GM2A: variants seen among roughly 807,000 people sequenced by gnomAD.
The protein encoded by GM2A is GM2 ganglioside activator.
Under a neutral mutation model 12.9 loss-of-function variants are expected in GM2A, and 7 were observed. The observed-to-expected ratio is 0.54, with a 90% CI of 0.31 to 1.02. The LOEUF (loss-of-function observed/expected upper bound fraction) is 1.02, where lower values mean the gene tolerates loss of function less well. Among genes scored for constraint, GM2A ranks in the 50% least tolerant of loss-of-function variants. The probability of loss-of-function intolerance (pLI) is 0.05; values close to 1 mark genes in which losing one functional copy is unlikely to be tolerated. For missense variants in GM2A, 246 were observed against 241.0 expected, an observed-to-expected ratio of 1.02 and a Z score of -0.14; for synonymous variants, 101 against 96.0, an observed-to-expected ratio of 1.05 and a Z score of -0.30.
At chr5:151,263,089 C>CTTTTTT (rs869289721) in intron 2 of GM2A, among the ~76,000 whole-genome samples, 46 of 119,502 alleles carry the variant, frequency 3.8e-4, no homozygotes, top group Non-Finnish European at 5.5e-4. Flanking sequence ...TCCCCAATTT[C>CTTTTTT]TTTTTTTTTT....
At position 151,267,289 on chromosome 5, in the gene GM2A, C is replaced by G; in HGVS notation, c.427-7C>G. The G allele has an allele frequency of 1.2e-6, 2 of 1,614,154 alleles. No homozygotes were observed. The highest frequency in any genetic ancestry group is 8.5e-7 in the Non-Finnish European group (1 of 1,179,988). ...CACTGACTGGCGGTCCACTGGCTTT[C>G]CCGCAGGGAACCTACTCACTGCCCA... On this transcript the variant is annotated splice_region_variant and splice_polypyrimidine_tract_variant and intron_variant, in intron 3 of 3. Coordinates refer to ENST00000357164, the MANE Select transcript of GM2A (RefSeq NM_000405.5).
rs1372511846 is a variant in GM2A at position 151,259,750 on chromosome 5, C to T, written c.82-5C>T. ...TCTCCTTCCTTGCTGCCTGATTGTCCCCAGCCATCCCAGCTCAGTAGCTTT... is the reference window on the plus strand; with the variant it reads ...TCTCCTTCCTTGCTGCCTGATTGTCTCCAGCCATCCCAGCTCAGTAGCTTT... On this transcript the variant is annotated splice_region_variant and splice_polypyrimidine_tract_variant and intron_variant, in intron 1 of 3. Transcript: ENST00000357164. The T allele has an allele frequency of 6.2e-7, 1 of 1,613,316 alleles. No homozygotes were observed. The highest frequency in any genetic ancestry group is 1.1e-5 in the South Asian group (1 of 91,066).
chr5:151,269,091 G>A lies in GM2A; in HGVS notation c.*1640G>A. On this transcript the variant is annotated 3_prime_UTR_variant, in exon 4 of 4. Transcript: ENST00000357164. ...CACCAGCAGCTGCTTTTGGAGCAGGGGTCCAAGGAAGAGAGGGTGGCCTCG... is the reference window on the plus strand; with the variant it reads ...CACCAGCAGCTGCTTTTGGAGCAGGAGTCCAAGGAAGAGAGGGTGGCCTCG... 1 of 985,438 alleles carries A rather than the reference G, an allele frequency of 1.0e-6. No homozygotes were observed. The highest frequency in any genetic ancestry group is 1.2e-6 in the Non-Finnish European group (1 of 829,952). 61.0% of individuals were successfully genotyped at this position (985,438 alleles called of 1,614,324 possible).
chr5:151,267,680 C>G lies in GM2A; in HGVS notation c.*229C>G. 6.8e-7 allele frequency: 1 copy of G among 1,467,900 alleles called. No individual in the cohort carries two copies. Among genetic ancestry groups the G allele is most frequent in the Non-Finnish European group, 9.1e-7 (1 of 1,103,382 alleles). The allele number at this position is 1,467,900 out of a possible 1,614,324, so 90.9% of individuals were successfully genotyped here. On this transcript the variant is annotated 3_prime_UTR_variant, in exon 4 of 4. Coordinates refer to ENST00000357164, the MANE Select transcript of GM2A (RefSeq NM_000405.5). ...GACAGTTCTTGATAGCCCAGGGCAT[C>G]TGCTGGGCTGACCACGTTACTCATC...
Position 151,265,844 on chromosome 5 carries a change from T to TACTC in GM2A, c.244-886_244-883dup, listed in dbSNP as rs200239961. Among the ~76,000 whole-genome samples the TACTC allele has an allele frequency of 3.3e-5, 5 of 152,330 alleles. No homozygotes were observed. In the East Asian group the frequency reaches 5.8e-4, roughly 18 times the overall value. Reference sequence around the variant, plus strand: ...TTTCCCGGCTGAGTCAGGGAGCCCGTACTCCTTGAGGCAGCTCCATCTGTT... The same window carrying TACTC: ...TTTCCCGGCTGAGTCAGGGAGCCCGTACTCACTCCTTGAGGCAGCTCCATCTGTT... On this transcript the variant is annotated intron_variant, in intron 2 of 3. Transcript: ENST00000357164.
rs1013722512 is a variant in GM2A at position 151,269,343 on chromosome 5, C to T, written c.*1892C>T. On this transcript the variant is annotated 3_prime_UTR_variant, in exon 4 of 4. Transcript: ENST00000357164. ...TTTTGGTTGGAAGGGTTTGTTGGAA[C>T]GGTACAGGTGAGCCGAGGTGATTCC... The T allele has an allele frequency of 6.3e-5, 62 of 985,430 alleles. No individual in the cohort carries two copies. In the Admixed American group the frequency reaches 7.4e-4, roughly 12 times the overall value. The allele number at this position is 985,430 out of a possible 1,614,324, so 61.0% of individuals were successfully genotyped here.
At position 151,260,577 on chromosome 5, in the gene GM2A, C is replaced by T. The variant is rs572494341; in HGVS notation, c.243+661C>T. Reference sequence around the variant, plus strand: ...AGGTTGCAGAAAGCCAGGATCGCACCACTGCACTCCAGCCTGGGTGACAGA... The same window carrying T: ...AGGTTGCAGAAAGCCAGGATCGCACTACTGCACTCCAGCCTGGGTGACAGA... On this transcript the variant is annotated intron_variant, in intron 2 of 3. Coordinates refer to ENST00000357164, the MANE Select transcript of GM2A (RefSeq NM_000405.5). 2.0e-5 allele frequency among the ~76,000 whole-genome samples: 3 copies of T among 152,252 alleles called. No homozygotes were observed. In the South Asian group the frequency reaches 6.2e-4, roughly 32 times the overall value.
Position 151,268,639 on chromosome 5 carries a change from A to AT in GM2A, c.*1188_*1189insT. ...CAGTCTGTGAAGACAACTGCCAGATACTGGCAATACTCCAGCCTGGTGACA... is the reference window on the plus strand; with the variant it reads ...CAGTCTGTGAAGACAACTGCCAGATATCTGGCAATACTCCAGCCTGGTGACA... On this transcript the variant is annotated 3_prime_UTR_variant, in exon 4 of 4. Coordinates refer to ENST00000357164, the MANE Select transcript of GM2A (RefSeq NM_000405.5). 2 of 694,972 alleles carry AT rather than the reference A, an allele frequency of 2.9e-6. No individual in the cohort carries two copies. The highest frequency in any genetic ancestry group is 1.8e-6 in the Non-Finnish European group (1 of 564,516). 43.1% of individuals were successfully genotyped at this position (694,972 alleles called of 1,614,324 possible). A position where few individuals can be genotyped will look rare whatever the true frequency, so the allele number is the denominator to read the frequency against.
At chr5:151,263,337 T>G (rs1753831440) in intron 2 of GM2A, among the ~76,000 whole-genome samples, 1 of 151,970 alleles carries the variant, frequency 6.6e-6, no homozygotes, top group Non-Finnish European at 1.5e-5. Flanking sequence ...CCCAAAGTGC[T>G]GGGATTACAG....
chr5:151,267,152 CT>C, intron 3 of GM2A, 143 bp from the exon 4 acceptor site: 1 of 1,041,472 alleles, frequency 9.6e-7, no homozygotes, highest in South Asian at 1.3e-5. Flanking sequence ...CTCTACAGTG[CT>C]ATGGCCGTCT....
chr5:151,254,186 T>G (rs1383083361), intron 1 of GM2A, among the ~76,000 whole-genome samples: 1 of 152,230 alleles, frequency 6.6e-6, no homozygotes. Flanking sequence ...TTTCCATATC[T>G]TAGCTATTGT....
rs376911050 is a variant in GM2A at position 151,255,555 on chromosome 5, A to G, written c.81+2258A>G. On this transcript the variant is annotated intron_variant, in intron 1 of 3. Coordinates refer to ENST00000357164, the MANE Select transcript of GM2A (RefSeq NM_000405.5). The stretch of plus-strand genomic sequence containing the variant: ...GGATTTCCTGAGTCTTGTTCTCCTC[A>G]TCTGTAAGATGGGTGTGATGGTGCC... Among the ~76,000 whole-genome samples, 384 of 152,112 alleles carry G rather than the reference A, an allele frequency of 2.5e-3. 1 individual carries two copies. The highest frequency in any genetic ancestry group is 8.4e-3 in the African/African-American group (348 of 41,488).
chr5:151,254,954 A>G (rs1029658024), intron 1 of GM2A, among the ~76,000 whole-genome samples: 1 of 152,174 alleles, frequency 6.6e-6, no homozygotes, highest in African/African-American at 2.4e-5. Context: ...AAGAGAATAC[A>G]TTTCACATTG....
At chr5:151,253,547 C>T (rs41290575) in intron 1 of GM2A, among the ~76,000 whole-genome samples, 1 of 152,130 alleles carries the variant, frequency 6.6e-6, no homozygotes, top group African/African-American at 2.4e-5. Flanking sequence ...TCCCTCCAAG[C>T]GCCGGAGTGA....
intron 2 of GM2A, among the ~76,000 whole-genome samples, chr5:151,261,672 C>T (rs1379749405): frequency 6.6e-6 from 1 of 152,192 alleles, no homozygotes; most frequent in Non-Finnish European, 1.5e-5. Context: ...CTCCTGACCT[C>T]AGGCAATGTG....
At position 151,269,498 on chromosome 5, in the gene GM2A, A is replaced by G. The variant is rs1753965998; in HGVS notation, c.*2047A>G. On this transcript the variant is annotated 3_prime_UTR_variant, in exon 4 of 4. Coordinates refer to ENST00000357164, the MANE Select transcript of GM2A (RefSeq NM_000405.5). ...GGAGAGCAAAAATCACCTAGTGACC[A>G]TTGAACAGGTCCCAGAGACAAAATC... 1 of 941,664 alleles carries G rather than the reference A, an allele frequency of 1.1e-6. No individual in the cohort carries two copies. The highest frequency in any genetic ancestry group is 1.3e-6 in the Non-Finnish European group (1 of 789,930). 58.3% of individuals were successfully genotyped at this position (941,664 alleles called of 1,614,324 possible). A position where few individuals can be genotyped will look rare whatever the true frequency, so the allele number is the denominator to read the frequency against.
At chr5:151,266,172 C>T (rs1006371784) in intron 2 of GM2A, among the ~76,000 whole-genome samples, 11 of 152,166 alleles carry the variant, frequency 7.2e-5, no homozygotes, top group Admixed American at 2.6e-4. Context: ...TGGGTAGTGA[C>T]TACCTAAAGA....
chr5:151,259,827 A>T lies in GM2A; in HGVS notation c.154A>T (p.Thr52Ser). Residue 52 changes from threonine to serine, a missense_variant, in exon 2 of 4, where the codon ACT becomes TCT. Physicochemically the swap from Thr to Ser is moderately conservative, Grantham distance 58. Transcript: ENST00000357164. Reference protein sequence around the residue: ...GKDPAVIRSLTLEPDPIIVPG... With the variant: ...GKDPAVIRSLSLEPDPIIVPG... ...GGACCCTGCGGTGATCAGAAGCCTG[A>T]CTCTGGAGCCTGACCCCATCATCGT... The T allele has an allele frequency of 6.2e-7, 1 of 1,613,242 alleles. No homozygotes were observed. The highest frequency in any genetic ancestry group is 1.1e-5 in the South Asian group (1 of 91,050).
At chr5:151,262,004 T>C (rs1753807563) in intron 2 of GM2A, among the ~76,000 whole-genome samples, 1 of 152,236 alleles carries the variant, frequency 6.6e-6, no homozygotes, top group Non-Finnish European at 1.5e-5. Context: ...TTTTGATACA[T>C]TTTGCCAAAG....
Sources: allele counts gnomAD v4.1 joint callset (sites outside exome capture counted in the v4.1 genomes callset), GRCh38; gene constraint gnomAD v4.1.1; transcripts MANE v1.5; gene names NCBI Gene and HGNC (gene_info 2026-07-23, HGNC 2026-07-21).